The following PYROXD2 variants were observed in gnomAD, a reference collection of about 807,000 sequenced individuals.
The protein encoded by PYROXD2 is pyridine nucleotide-disulphide oxidoreductase domain 2, also known as pyridine nucleotide-disulfide oxidoreductase domain-containing protein 2.
A neutral mutation model predicts 71.1 loss-of-function variants in PYROXD2; 69 were observed. The ratio of observed to expected loss-of-function variants is 0.97; its 90% CI spans 0.80 to 1.19. The LOEUF (loss-of-function observed/expected upper bound fraction) is 1.19. PYROXD2 is among the 50% of genes most tolerant of loss of function. PYROXD2 has a pLI of 0.00. For missense variants in PYROXD2, 745 were observed against 748.9 expected, an observed-to-expected ratio of 0.99 and a Z score of 0.06; for synonymous variants, 287 against 302.7, an observed-to-expected ratio of 0.95 and a Z score of 0.54.
At chr10:98,410,587 C>A in intron 2 of PYROXD2, 1 of 313,626 alleles carries the variant, frequency 3.2e-6, no homozygotes. Context: ...CACCCCGCCC[C>A]AGGTGCCCAA....
At chr10:98,387,115 G>A in intron 14 of PYROXD2, 86 bp downstream of exon 14, 1 of 996,898 alleles carries the variant, frequency 1.0e-6, no homozygotes, top group South Asian at 1.6e-5. Flanking sequence ...AGTATGGAGG[G>A]ACAAGATAAA....
At chr10:98,393,189 A>G in intron 8 of PYROXD2, 106 bp from the exon 9 acceptor site, 1 of 888,912 alleles carries the variant, frequency 1.1e-6, no homozygotes, top group Non-Finnish European at 1.7e-6. Context: ...CTTCCCTGCC[A>G]CCATCCAGCC....
At chr10:98,408,059 C>G (rs1299814952) in intron 2 of PYROXD2, 62 bp from the exon 3 acceptor site, 1 of 1,490,766 alleles carries the variant, frequency 6.7e-7, no homozygotes, top group South Asian at 1.2e-5. Context: ...AGGGCTCCCT[C>G]GGGCTGACCC....
At chr10:98,386,204 C>T (rs1842744249) in intron 14 of PYROXD2, among the ~76,000 whole-genome samples, 1 of 151,756 alleles carries the variant, frequency 6.6e-6, no homozygotes, top group Non-Finnish European at 1.5e-5. Flanking sequence ...TGGCTTCAGC[C>T]CCAGAGGTCG....
intron 4 of PYROXD2, 103 bp downstream of exon 4, chr10:98,407,479 G>T (rs10883090): frequency 7.9e-6 from 11 of 1,386,342 alleles, no homozygotes; most frequent in African/African-American, 7.1e-5. Flanking sequence ...GAGCCCTCAG[G>T]GGCGGGCATC....
At chr10:98,385,739 A>G (rs1478244660) in intron 14 of PYROXD2, among the ~76,000 whole-genome samples, 1 of 152,074 alleles carries the variant, frequency 6.6e-6, no homozygotes, top group Non-Finnish European at 1.5e-5. Context: ...GCATAAGTGA[A>G]TGACACCACC....
At chr10:98,404,394 T>A (rs1304810997) in intron 4 of PYROXD2, among the ~76,000 whole-genome samples, 1 of 152,216 alleles carries the variant, frequency 6.6e-6, no homozygotes, top group Non-Finnish European at 1.5e-5. Context: ...CATTTATGAA[T>A]CATTCTTTGC....
intron 8 of PYROXD2, among the ~76,000 whole-genome samples, chr10:98,393,955 C>T (rs895625304): frequency 6.6e-6 from 1 of 151,766 alleles, no homozygotes; most frequent in East Asian, 1.9e-4. Context: ...GGCCTGAAGC[C>T]CCTCCCTCCC....
chr10:98,388,421 G>A lies in PYROXD2; in HGVS notation c.1380C>T (p.Tyr460=). ...TGCCTCCAGCCAGCGTATAGGGCAT[G>A]TACTGAGTGAAGAGGGAGACTACAT... The part of the protein sequence containing the change: ...GCHVVSLFTQ[Y]MPYTLAGGKA... Residue 460 remains tyrosine, a synonymous_variant, in exon 13 of 16, where the codon TAC becomes TAT. Coordinates refer to ENST00000370575, the MANE Select transcript of PYROXD2 (RefSeq NM_032709.3). 6.2e-7 allele frequency: 1 copy of A among 1,613,594 alleles called. No homozygotes were observed. Among genetic ancestry groups the A allele is most frequent in the Non-Finnish European group, 8.5e-7 (1 of 1,179,894 alleles).
intron 10 of PYROXD2, among the ~76,000 whole-genome samples, chr10:98,391,507 C>T (rs1842943039): frequency 6.6e-6 from 1 of 152,158 alleles, no homozygotes; most frequent in South Asian, 2.1e-4. Flanking sequence ...CCAAGAATGG[C>T]TAGGAGCTTC....
At chr10:98,397,523 C>T (rs748897647) in intron 5 of PYROXD2, 25 bp from the exon 6 acceptor site, 5 of 1,562,550 alleles carry the variant, frequency 3.2e-6, no homozygotes, top group East Asian at 2.3e-5. Context: ...TGCATTAAGG[C>T]CCCACTGTCC....
At chr10:98,395,361 G>A (rs375633361) in intron 7 of PYROXD2, 30 bp downstream of exon 7, 2 of 1,613,548 alleles carry the variant, frequency 1.2e-6, no homozygotes, top group Non-Finnish European at 1.7e-6. Flanking sequence ...CTCACTGCCT[G>A]GTCGGGCCTG....
rs199838422 is a variant in PYROXD2 at position 98,387,216 on chromosome 10, G to A, written c.1539C>T (p.Phe513=). 2.0e-5 allele frequency: 33 copies of A among 1,613,790 alleles called. No individual in the cohort carries two copies. Among genetic ancestry groups the A allele is most frequent in the Middle Eastern group, 1.6e-4 (1 of 6,080 alleles). The change falls in exon 14 of 16, where the codon TTC becomes TTT. Residue 513 remains phenylalanine (F), a synonymous_variant. Coordinates refer to ENST00000370575, the MANE Select transcript of PYROXD2 (RefSeq NM_032709.3). ...TTATACATACCCCTCCAGGAAGCCC[G>A]AAGATTCTCTCCAAATCTGGTGGTG... The part of the protein sequence containing the change: ...ILTPPDLERI[F]GLPGGNIFHC...
Position 98,388,370 on chromosome 10 carries a change from G to A in PYROXD2, c.1431C>T (p.Asp477=), listed in dbSNP as rs775614296. 3.5e-5 allele frequency: 56 copies of A among 1,613,610 alleles called. No individual in the cohort carries two copies. Among genetic ancestry groups the A allele is most frequent in the African/African-American group, 3.1e-4 (23 of 74,776 alleles). Residue 477 remains aspartate (D), a synonymous_variant, in exon 13 of 16, where the codon GAC becomes GAT. Transcript: ENST00000370575. ...TGTCTTTACCTCTGTCTGCATAAGC[G>A]TCTCTCTCCTGCTCGTCCCAGGCCT... The part of the protein sequence containing the change: ...GGKAWDEQER[D]AYADRVFDCI...
intron 1 of PYROXD2, among the ~76,000 whole-genome samples, chr10:98,412,741 A>C (rs1843830975): frequency 6.6e-6 from 1 of 152,184 alleles, no homozygotes; most frequent in Non-Finnish European, 1.5e-5. Context: ...TTAGCAACTA[A>C]AGAAATCATG....
At chr10:98,389,972 T>C (rs1162672392) in intron 12 of PYROXD2, among the ~76,000 whole-genome samples, 1 of 152,192 alleles carries the variant, frequency 6.6e-6, no homozygotes, top group Non-Finnish European at 1.5e-5. Context: ...CCACATGCTA[T>C]AAATATTTGT....
chr10:98,388,318 T>C, intron 13 of PYROXD2, 36 bp downstream of exon 13: 1 of 1,611,860 alleles, frequency 6.2e-7, no homozygotes, highest in South Asian at 1.1e-5. Context: ...CATGCCCGGC[T>C]GTGGCTCTGG....
chr10:98,399,700 C>A (rs1459416601), intron 5 of PYROXD2, among the ~76,000 whole-genome samples: 1 of 152,232 alleles, frequency 6.6e-6, no homozygotes, highest in African/African-American at 2.4e-5. Context: ...TTTCTCTGAT[C>A]TTCCCTCATC....
At chr10:98,384,453 C>T (rs1842686918) in intron 15 of PYROXD2, among the ~76,000 whole-genome samples, 1 of 152,088 alleles carries the variant, frequency 6.6e-6, no homozygotes, top group South Asian at 2.1e-4. Flanking sequence ...CCCATCTCCA[C>T]AAAAGAATAA....
Sources: gnomAD v4.1 joint callset for allele counts (sites outside exome capture counted in the v4.1 genomes callset) on GRCh38, gnomAD v4.1.1 for gene constraint, MANE v1.5 for transcripts, NCBI Gene and HGNC (gene_info 2026-07-23, HGNC 2026-07-21) for gene names.